Variants in PGM3 observed in about 807,000 individuals in gnomAD.
PGM3 encodes the protein phosphoacetylglucosamine mutase.
PGM3 carries 40 observed loss-of-function variants against 66.2 expected under a neutral mutation model. The ratio of observed to expected loss-of-function variants is 0.60; its 90% CI spans 0.47 to 0.79. PGM3 has a LOEUF of 0.79. Ranked by LOEUF, PGM3 falls within the 30% of genes least tolerant of loss-of-function variation. The pLI is 0.00. For missense variants in PGM3, 537 were observed against 643.4 expected, an observed-to-expected ratio of 0.83 and a Z score of 1.79; for synonymous variants, 191 against 224.2, an observed-to-expected ratio of 0.85 and a Z score of 1.32.
chr6:83,152,612 T>C, the PGM3 span, among the ~76,000 whole-genome samples: 1 of 149,930 alleles, frequency 6.7e-6, no homozygotes, highest in Non-Finnish European at 1.5e-5. Flanking sequence ...ATGTGTTTTT[T>C]TCTTTTTCTT....
chr6:83,155,879 C>A, the PGM3 span: 3 of 1,528,754 alleles, frequency 2.0e-6, no homozygotes, highest in East Asian at 6.8e-5. Context: ...GAGCATCTAG[C>A]TATTTTAAAA....
chr6:83,153,705 T>G, the PGM3 span: 3 of 1,250,378 alleles, frequency 2.4e-6, no homozygotes, highest in Non-Finnish European at 3.3e-6. Context: ...ATTTCTAGAA[T>G]TATCATAAAA....
chr6:83,173,806 G>A (rs912741657), intron 10 of PGM3, among the ~76,000 whole-genome samples: 1 of 152,122 alleles, frequency 6.6e-6, no homozygotes, highest in South Asian at 2.1e-4. Context: ...GCGTGATCTT[G>A]GCTCACTGCA....
intron 2 of PGM3, chr6:83,190,505 C>A: frequency 2.8e-6 from 1 of 352,980 alleles, no homozygotes; most frequent in Non-Finnish European, 5.2e-6. Context: ...GCTAAGTTAA[C>A]AAAGGAAACA....
intron 1 of PGM3, among the ~76,000 whole-genome samples, chr6:83,192,292 C>T (rs917614553): frequency 6.6e-6 from 1 of 152,170 alleles, no homozygotes; most frequent in African/African-American, 2.4e-5. Flanking sequence ...AAAATCGGCC[C>T]TTAGCCCACT....
Position 83,176,054 on chromosome 6 carries a change from C to G in PGM3, c.1036G>C (p.Val346Leu). The G allele has an allele frequency of 6.4e-7, 1 of 1,568,886 alleles. No homozygotes were observed. Among genetic ancestry groups the G allele is most frequent in the Non-Finnish European group, 8.8e-7 (1 of 1,139,152 alleles). ...RYLEEVMKVP[V>L]YCTKTGVKHL... ...TTTACACCAGTCTTAGTGCAATAGA[C>G]AGGTACCTATAACACATGCATTTAA... Residue 346 changes from valine to leucine, a missense_variant, in exon 9 of 13, where the codon GTC (valine) becomes CTC (leucine). Physicochemically the swap from Val to Leu is conservative, Grantham distance 32 (BLOSUM62 1). Coordinates refer to ENST00000513973, the MANE Select transcript of PGM3 (RefSeq NM_015599.3).
Position 83,179,847 on chromosome 6 carries a change from G to A in PGM3, c.908C>T (p.Thr303Met), listed in dbSNP as rs755909886. Residue 303 changes from threonine (T) to methionine (M), a missense_variant, in exon 7 of 13, where the codon ACG (threonine) becomes ATG (methionine). Transcript: ENST00000513973. ...FHLIDGDKIA[T>M]LISSFLKELL... ...CTCTTTAAGGAAACTGCTAATTAAC[G>A]TTGCTATCTTGTCTCCATCTATGAG... 32 of 1,612,574 alleles carry A rather than the reference G, an allele frequency of 2.0e-5. No homozygotes were observed. The highest frequency in any genetic ancestry group is 2.5e-5 in the Non-Finnish European group (29 of 1,179,274).
At position 83,166,742 on chromosome 6, in the gene PGM3, G is replaced by A; in HGVS notation, c.*2492C>T. Reference sequence around the variant, plus strand: ...TAAGCAATAAGCTTGAGAGCACATAGAAGAAAATAAGCTGGATTTTGCATC... The same window carrying A: ...TAAGCAATAAGCTTGAGAGCACATAAAAGAAAATAAGCTGGATTTTGCATC... On this transcript the variant is annotated 3_prime_UTR_variant, in exon 13 of 13. Transcript: ENST00000513973. 8.8e-7 allele frequency: 1 copy of A among 1,136,396 alleles called. No homozygotes were observed. The highest frequency in any genetic ancestry group is 1.1e-6 in the Non-Finnish European group (1 of 928,250). The allele number at this position is 1,136,396 out of a possible 1,614,324, so 70.4% of individuals were successfully genotyped here. A position where few individuals can be genotyped will look rare whatever the true frequency, so the allele number is the denominator to read the frequency against.
intron 10 of PGM3, among the ~76,000 whole-genome samples, chr6:83,173,891 C>A (rs1424607743): frequency 1.3e-5 from 2 of 152,080 alleles, no homozygotes. Context: ...TGCCCGCCAC[C>A]ATGCCCGGCT....
chr6:83,167,163 T>C lies in PGM3; in HGVS notation c.*2071A>G. 1 of 901,932 alleles carries C rather than the reference T, an allele frequency of 1.1e-6. No individual in the cohort carries two copies. The highest frequency in any genetic ancestry group is 1.3e-6 in the Non-Finnish European group (1 of 753,772). The allele number at this position is 901,932 out of a possible 1,614,324, so 55.9% of individuals were successfully genotyped here. On this transcript the variant is annotated 3_prime_UTR_variant, in exon 13 of 13. Coordinates refer to ENST00000513973, the MANE Select transcript of PGM3 (RefSeq NM_015599.3). Reference sequence around the variant, plus strand: ...TCTACTAAAAGGTAGTTTTAGACTGTCCCATTTTATAAGTGAGGAACCTTT... The same window carrying C: ...TCTACTAAAAGGTAGTTTTAGACTGCCCCATTTTATAAGTGAGGAACCTTT...
chr6:83,190,911 A>G lies in PGM3; in HGVS notation c.102T>C (p.His34=). The change falls in exon 2 of 13, where the codon CAT becomes CAC. Residue 34 remains histidine, a synonymous_variant. Transcript: ENST00000513973. ...GTAGFRTKAE[H]LDHVMFRMGL... is the part of the protein sequence containing the mutation. The stretch of plus-strand genomic sequence containing the variant: ...CCATGCGAAACATGACATGATCAAG[A>G]TGTTCTGCCTTCGTTCGAAATCCAG... 3.1e-6 allele frequency: 5 copies of G among 1,614,174 alleles called. No homozygotes were observed. The highest frequency in any genetic ancestry group is 4.2e-6 in the Non-Finnish European group (5 of 1,180,008).
chr6:83,190,993 G>T lies in PGM3; in HGVS notation c.20C>A (p.Thr7Lys), dbSNP rs753823886. 21 of 1,613,518 alleles carry T rather than the reference G, an allele frequency of 1.3e-5. No individual in the cohort carries two copies. Among genetic ancestry groups the T allele is most frequent in the Non-Finnish European group, 1.8e-5 (21 of 1,179,462 alleles). ...CTTGGCGTGTAATGCTGAGTATTTT[G>T]TAATAGCACCTAAATCCATGTCTAC... MDLGAI[T>K]KYSALHAKPN... The change falls in exon 2 of 13, where the codon ACA becomes AAA. Residue 7 changes from threonine (T) to lysine (K), a missense_variant. By Grantham distance (78) the Thr-to-Lys change is moderately conservative. Coordinates refer to ENST00000513973, the MANE Select transcript of PGM3 (RefSeq NM_015599.3).
At position 83,166,289 on chromosome 6, in the gene PGM3, G is replaced by C. The variant is rs1047014378; in HGVS notation, c.*2945C>G. ...TTATAGTTGTAAGAGGATCAGCTTC[G>C]ATGATGTTCTCAATTGGTCATTATC... On this transcript the variant is annotated 3_prime_UTR_variant, in exon 13 of 13. Coordinates refer to ENST00000513973, the MANE Select transcript of PGM3 (RefSeq NM_015599.3). 1 of 596,450 alleles carries C rather than the reference G, an allele frequency of 1.7e-6. No individual in the cohort carries two copies. Among genetic ancestry groups the C allele is most frequent in the African/African-American group, 1.8e-5 (1 of 54,328 alleles). 36.9% of individuals were successfully genotyped at this position (596,450 alleles called of 1,614,324 possible).
At chr6:83,150,195 G>A in the PGM3 span, among the ~76,000 whole-genome samples, 1 of 152,122 alleles carries the variant, frequency 6.6e-6, no homozygotes, top group Non-Finnish European at 1.5e-5. Context: ...GCAACATAGG[G>A]AGACTGTGTC....
chr6:83,157,336 C>T (rs1173596441), downstream of PGM3: 2 of 1,609,954 alleles, frequency 1.2e-6, no homozygotes, highest in Non-Finnish European at 1.7e-6. Context: ...AATTTTAATT[C>T]AGTCAGGTTA....
Position 83,186,999 on chromosome 6 carries a change from A to G in PGM3, c.457+9T>C. ...TTAGTTTAATTTCCAACTCAGGATA[A>G]CTACATACCATGGAATTGACCTCCT... On this transcript the variant is annotated intron_variant, in intron 4 of 12. Transcript: ENST00000513973. 6.8e-7 allele frequency: 1 copy of G among 1,470,190 alleles called. No homozygotes were observed. Among genetic ancestry groups the G allele is most frequent in the Non-Finnish European group, 9.4e-7 (1 of 1,062,062 alleles). The allele number at this position is 1,470,190 out of a possible 1,614,324, so 91.1% of individuals were successfully genotyped here. A position where few individuals can be genotyped will look rare whatever the true frequency, so the allele number is the denominator to read the frequency against.
the PGM3 span, chr6:83,151,863 G>C: frequency 6.2e-7 from 1 of 1,611,642 alleles, no homozygotes; most frequent in East Asian, 2.2e-5. Flanking sequence ...ATACATAGTT[G>C]TTCTTCCTTA....
chr6:83,190,481 T>A, intron 2 of PGM3: 4 of 250,268 alleles, frequency 1.6e-5, no homozygotes, highest in Non-Finnish European at 2.3e-5. Context: ...CCAACCCCAA[T>A]ATCTTTAATC....
At position 83,176,277 on chromosome 6, in the gene PGM3, T is replaced by C. The variant is rs1787762605; in HGVS notation, c.1030-217A>G. On this transcript the variant is annotated intron_variant, in intron 8 of 12. Transcript: ENST00000513973. Reference sequence around the variant, plus strand: ...CAAGGGTAAAGCACGGTGAGAGAGATGAGGGTCTCCTTATAAGACACGAAA... The same window carrying C: ...CAAGGGTAAAGCACGGTGAGAGAGACGAGGGTCTCCTTATAAGACACGAAA... 1.3e-5 allele frequency: 6 copies of C among 458,366 alleles called. No homozygotes were observed. The Admixed American group carries it at 2.0e-4, about 16-fold the overall frequency. The allele number at this position is 458,366 out of a possible 1,614,324, so 28.4% of individuals were successfully genotyped here.
Sources: allele counts gnomAD v4.1 joint callset (sites outside exome capture counted in the v4.1 genomes callset), GRCh38; gene constraint gnomAD v4.1.1; transcripts MANE v1.5; gene names NCBI Gene and HGNC (gene_info 2026-07-23, HGNC 2026-07-21).